The following TYW1B variants were observed in gnomAD, a reference collection of about 807,000 sequenced individuals.
TYW1B encodes tRNA-yW synthesizing protein 1 homolog B.
In TYW1B, 73 loss-of-function variants were observed where a neutral mutation model predicts 86.9. That is an observed-to-expected ratio of 0.84 (90% confidence interval 0.70 to 1.02). The LOEUF is 1.02. Ranked by LOEUF, TYW1B falls within the 50% of genes least tolerant of loss-of-function variation. TYW1B has a pLI of 0.00. For missense variants in TYW1B, 637 were observed against 827.4 expected (o/e 0.77, Z 2.82); for synonymous variants, 248 against 292.8 (o/e 0.85, Z 1.56).
chr7:72,800,721 A>AG, intron 6 of TYW1B, among the ~76,000 whole-genome samples: 1 of 151,674 alleles, frequency 6.6e-6, no homozygotes, highest in Non-Finnish European at 1.5e-5. Context: ...AAAAAAAAAA[A>AG]AAAAAGGCAG....
chr7:72,726,361 A>AT (rs1554458727), intron 9 of TYW1B, among the ~76,000 whole-genome samples: 4,009 of 146,312 alleles, frequency 0.027, 70 homozygotes, highest in Middle Eastern at 0.054. Flanking sequence ...TTATTGACTA[A>AT]TTTTTTTTGT....
chr7:72,622,939 C>G (rs1207811590), intron 12 of TYW1B, among the ~76,000 whole-genome samples: 2 of 152,118 alleles, frequency 1.3e-5, no homozygotes, highest in Non-Finnish European at 2.9e-5. Flanking sequence ...CTTCCTGACC[C>G]AAGGGTTGTT....
At chr7:72,741,881 A>T (rs1276823800) in intron 8 of TYW1B, among the ~76,000 whole-genome samples, 2 of 152,200 alleles carry the variant, frequency 1.3e-5, no homozygotes, top group African/African-American at 2.4e-5. Context: ...AGATTTCTAT[A>T]TCTAGCAAAA....
intron 7 of TYW1B, among the ~76,000 whole-genome samples, chr7:72,747,386 T>C (rs1402730265): frequency 6.6e-6 from 1 of 152,212 alleles, no homozygotes; most frequent in Non-Finnish European, 1.5e-5. Flanking sequence ...TAAGTCCAAC[T>C]GAACCTCTTT....
At chr7:72,786,573 C>CTTTTTTTT (rs10630508) in intron 6 of TYW1B, among the ~76,000 whole-genome samples, 1 of 107,458 alleles carries the variant, frequency 9.3e-6, no homozygotes, top group Non-Finnish European at 1.9e-5. Flanking sequence ...ATTCTTTTTT[C>CTTTTTTTT]TTTTTTTTTT....
At chr7:72,783,403 A>G (rs1366273340) in intron 6 of TYW1B, among the ~76,000 whole-genome samples, 1 of 151,370 alleles carries the variant, frequency 6.6e-6, no homozygotes, top group Admixed American at 6.6e-5. Context: ...AAAAAAAAGA[A>G]ACTTTTATTC....
Position 72,811,201 on chromosome 7 carries a change from G to A in TYW1B, c.238-536C>T, listed in dbSNP as rs527495631. 1.2e-3 allele frequency among the ~76,000 whole-genome samples: 176 copies of A among 150,240 alleles called. 1 individual carries two copies. The highest frequency in any genetic ancestry group is 4.1e-3 in the African/African-American group (167 of 40,720). On this transcript the variant is annotated intron_variant, in intron 3 of 13. Coordinates refer to ENST00000620995, the MANE Select transcript of TYW1B (RefSeq NM_001145440.3). ...CAAGAGAATGGCGTGAACCCAGGAG[G>A]CAGAGCTTGTAGTGAGCCGAGATCG... is the stretch of plus-strand genomic sequence containing the variant.
Position 72,828,154 on chromosome 7 carries a change from G to C in TYW1B, c.-79C>G, listed in dbSNP as rs17144870. 3 of 1,599,806 alleles carry C rather than the reference G, an allele frequency of 1.9e-6. No individual in the cohort carries two copies. Among genetic ancestry groups the C allele is most frequent in the African/African-American group, 1.3e-5 (1 of 74,706 alleles). On this transcript the variant is annotated 5_prime_UTR_variant, in exon 1 of 14. Transcript: ENST00000620995. ...TCGCACTGGTACTGCGAGACGCACC[G>C]AGCTACCTCGCGGCGTTAGCGCCGT...
chr7:72,659,739 G>A (rs1813287268), intron 11 of TYW1B, among the ~76,000 whole-genome samples: 2 of 152,142 alleles, frequency 1.3e-5, no homozygotes. Context: ...AGGGGAAGAT[G>A]CCAGCAAAGA....
chr7:72,621,299 A>AT (rs1171763160), intron 12 of TYW1B, among the ~76,000 whole-genome samples: 16 of 151,796 alleles, frequency 1.1e-4, no homozygotes, highest in South Asian at 2.1e-4. Flanking sequence ...TTCATAAATG[A>AT]TTTTTTTTTC....
At chr7:72,596,012 C>G (rs1271858272) in intron 13 of TYW1B, among the ~76,000 whole-genome samples, 1 of 151,614 alleles carries the variant, frequency 6.6e-6, no homozygotes, top group African/African-American at 2.4e-5. Flanking sequence ...CCCATCTCTA[C>G]TAAAAACACA....
At chr7:72,760,515 TTA>T (rs1787669244) in intron 7 of TYW1B, among the ~76,000 whole-genome samples, 1 of 152,198 alleles carries the variant, frequency 6.6e-6, no homozygotes, top group Non-Finnish European at 1.5e-5. Flanking sequence ...GTGTGCATAT[TTA>T]TGTGTTTATA....
At chr7:72,797,535 G>A (rs192007384) in intron 6 of TYW1B, among the ~76,000 whole-genome samples, 1 of 152,172 alleles carries the variant, frequency 6.6e-6, no homozygotes, top group East Asian at 1.9e-4. Flanking sequence ...TGGGCAACAT[G>A]GTGAGACCTT....
At position 72,574,783 on chromosome 7, in the gene TYW1B, T is replaced by G; in HGVS notation, c.*715A>C. On this transcript the variant is annotated 3_prime_UTR_variant, in exon 14 of 14. Transcript: ENST00000620995. The stretch of plus-strand genomic sequence containing the variant: ...GTCCAAAGTGTGTTTGTGAGACTAA[T>G]GACTCCATGCCCTCACATGGCCACT... 2.0e-6 allele frequency: 2 copies of G among 985,420 alleles called. No individual in the cohort carries two copies. Among genetic ancestry groups the G allele is most frequent in the Non-Finnish European group, 2.4e-6 (2 of 829,944 alleles). The allele number at this position is 985,420 out of a possible 1,614,324, so 61.0% of individuals were successfully genotyped here. A position where few individuals can be genotyped will look rare whatever the true frequency, so the allele number is the denominator to read the frequency against.
At chr7:72,675,029 T>C (rs561866303) in intron 11 of TYW1B, among the ~76,000 whole-genome samples, 38 of 152,276 alleles carry the variant, frequency 2.5e-4, no homozygotes, top group African/African-American at 7.9e-4. Context: ...AGTTCTAGCA[T>C]CTTTCTTTCT....
chr7:72,750,053 T>TG (rs1197383592), intron 7 of TYW1B, among the ~76,000 whole-genome samples: 2 of 151,080 alleles, frequency 1.3e-5, no homozygotes, highest in Non-Finnish European at 3.0e-5. Flanking sequence ...GAACACCTGG[T>TG]GGGGGGGTGG....
chr7:72,593,190 G>T (rs1476041383), intron 13 of TYW1B, among the ~76,000 whole-genome samples: 1 of 152,022 alleles, frequency 6.6e-6, no homozygotes, highest in Admixed American at 6.6e-5. Context: ...TACTCGGGGG[G>T]CTGAGGCAGG....
In TYW1B at chr7:72,616,821, C is replaced by T; in HGVS notation, c.1636G>A (p.Glu546Lys). The T allele has an allele frequency of 6.2e-7, 1 of 1,614,192 alleles. No homozygotes were observed. The highest frequency in any genetic ancestry group is 2.2e-5 in the East Asian group (1 of 44,868). Reference sequence around the variant, plus strand: ...ATGGTAAGACTGCTTGCTGAACTTTCTCTGCAGTAGGTAACGCCCTGTGGA... The same window carrying T: ...ATGGTAAGACTGCTTGCTGAACTTTTTCTGCAGTAGGTAACGCCCTGTGGA... ...IEVKGVTYCR[E>K]SSASSLTMAH... The change falls in exon 13 of 14, where the codon GAA becomes AAA. Residue 546 changes from glutamate to lysine, a missense_variant. Coordinates refer to ENST00000620995, the MANE Select transcript of TYW1B (RefSeq NM_001145440.3).
At chr7:72,775,963 A>T (rs1462722280) in intron 7 of TYW1B, among the ~76,000 whole-genome samples, 2 of 152,160 alleles carry the variant, frequency 1.3e-5, no homozygotes, top group African/African-American at 4.8e-5. Context: ...TGAAGAAAAA[A>T]TAATAATAAA....
Sources: gnomAD v4.1 joint callset for allele counts (sites outside exome capture counted in the v4.1 genomes callset) on GRCh38, gnomAD v4.1.1 for gene constraint, MANE v1.5 for transcripts, NCBI Gene and HGNC (gene_info 2026-07-23, HGNC 2026-07-21) for gene names.